CCDC32: variants seen among roughly 807,000 people sequenced by gnomAD.
CCDC32 encodes coiled-coil domain containing 32.
In CCDC32, 9 loss-of-function variants were observed where a neutral mutation model predicts 20.1. The ratio of observed to expected loss-of-function variants is 0.45; its 90% CI spans 0.27 to 0.78. The LOEUF is 0.78. CCDC32 is among the 30% of genes least tolerant of loss of function. The pLI is 0.16. For synonymous variants in CCDC32, 63 were observed against 79.0 expected (o/e 0.80, Z 1.07); for missense variants, 204 against 215.5 (o/e 0.95, Z 0.33).
At chr15:40,564,078 C>T (rs1348776993) in intron 1 of CCDC32, among the ~76,000 whole-genome samples, 1 of 152,194 alleles carries the variant, frequency 6.6e-6, no homozygotes, top group East Asian at 1.9e-4. Flanking sequence ...CCTCGGCCTC[C>T]CAAAGTGCTG....
At chr15:40,535,202 G>T, downstream of CCDC32, 1 of 1,388,788 alleles carries the variant, frequency 7.2e-7, no homozygotes, top group Non-Finnish European at 9.5e-7. Flanking sequence ...GGGGGAGAAT[G>T]CAGAGGTGGG....
chr15:40,553,465 G>A lies in CCDC32; in HGVS notation c.*506C>T. 1 of 986,036 alleles carries A rather than the reference G, an allele frequency of 1.0e-6. No individual in the cohort carries two copies. The highest frequency in any genetic ancestry group is 1.7e-5 in the African/African-American group (1 of 57,350). 61.1% of individuals were successfully genotyped at this position (986,036 alleles called of 1,614,324 possible). ...AGATTTGTTAGAGAAGCCCCAGATG[G>A]GGCTTGGATTCAAGGAGCAGACTTC... On this transcript the variant is annotated 3_prime_UTR_variant, in exon 4 of 4. Transcript: ENST00000416810.
downstream of CCDC32, among the ~76,000 whole-genome samples, chr15:40,550,669 G>A (rs868346751): frequency 2.6e-5 from 4 of 152,116 alleles, no homozygotes; most frequent in Non-Finnish European, 5.9e-5. Flanking sequence ...CATTGTTTAC[G>A]CTGTCACCTC....
chr15:40,532,679 A>G (rs1212125666), downstream of CCDC32, among the ~76,000 whole-genome samples: 1 of 142,686 alleles, frequency 7.0e-6, no homozygotes, highest in African/African-American at 2.6e-5. Flanking sequence ...TTAATGATTT[A>G]TAATTTAATT....
At chr15:40,551,947 G>A (rs916431585), downstream of CCDC32, among the ~76,000 whole-genome samples, 16 of 151,986 alleles carry the variant, frequency 1.1e-4, no homozygotes, top group Non-Finnish European at 1.9e-4. Flanking sequence ...GAGCCCAGAG[G>A]TTCGAGACTA....
At chr15:40,535,338 T>TA, downstream of CCDC32, 1 of 1,190,254 alleles carries the variant, frequency 8.4e-7, no homozygotes. Context: ...AGCCTCTCCA[T>TA]AGCATCTGTT....
intron 3 of CCDC32, among the ~76,000 whole-genome samples, chr15:40,555,027 A>G (rs1409946362): frequency 6.6e-6 from 1 of 152,210 alleles, no homozygotes; most frequent in Non-Finnish European, 1.5e-5. Context: ...AGGATCACCT[A>G]CCTGGCCCTC....
At chr15:40,539,785 C>T in intron 3 of CCDC32, among the ~76,000 whole-genome samples, 1 of 150,744 alleles carries the variant, frequency 6.6e-6, no homozygotes, top group Non-Finnish European at 1.5e-5. Flanking sequence ...TCTGGCTGGA[C>T]AACATTTGCC....
chr15:40,547,314 C>G (rs961506129), intron 3 of CCDC32, among the ~76,000 whole-genome samples: 5 of 152,112 alleles, frequency 3.3e-5, no homozygotes, highest in Non-Finnish European at 5.9e-5. Flanking sequence ...TGCTTGTGAT[C>G]TGGTGCCAGG....
intron 3 of CCDC32, among the ~76,000 whole-genome samples, chr15:40,555,598 GA>G (rs1401320122): frequency 6.6e-6 from 1 of 152,208 alleles, no homozygotes; most frequent in Non-Finnish European, 1.5e-5. Flanking sequence ...ATAATTTCCT[GA>G]ACCCTCAGAG....
At chr15:40,555,174 A>T (rs1430494857) in intron 3 of CCDC32, among the ~76,000 whole-genome samples, 2 of 152,212 alleles carry the variant, frequency 1.3e-5, no homozygotes, top group Non-Finnish European at 2.9e-5. Flanking sequence ...GGCTCTGGGG[A>T]AAAATCTAAA....
intron 3 of CCDC32, among the ~76,000 whole-genome samples, chr15:40,542,738 A>G (rs933952862): frequency 2.6e-5 from 4 of 152,068 alleles, no homozygotes; most frequent in South Asian, 4.1e-4. Context: ...GCATGGTGGC[A>G]GGCACCTGTA....
chr15:40,535,087 C>T (rs143260249), downstream of CCDC32: 2,729 of 817,492 alleles, frequency 3.3e-3, 9 homozygotes, highest in Non-Finnish European at 4.3e-3. Flanking sequence ...GCTAAGCCAG[C>T]GACTCCAGGC....
the CCDC32 span, among the ~76,000 whole-genome samples, chr15:40,523,594 AC>A: frequency 2.0e-5 from 3 of 152,198 alleles, no homozygotes; most frequent in African/African-American, 7.2e-5. Context: ...AATTACCTCA[AC>A]TACTTCAGTA....
At chr15:40,529,623 T>C (rs1327170446) in intron 3 of CCDC32, 6 of 151,488 alleles carry the variant, frequency 4.0e-5, no homozygotes, top group African/African-American at 1.5e-4. Flanking sequence ...GAGATTAGCA[T>C]GGCCCCTGCG....
intron 3 of CCDC32, among the ~76,000 whole-genome samples, chr15:40,539,840 C>CCACACACACA (rs142688774): frequency 0.071 from 9,561 of 134,486 alleles, 477 homozygotes; most frequent in East Asian, 0.16. Flanking sequence ...CAAACTGTTG[C>CCACACACACA]CACACACACA....
downstream of CCDC32, among the ~76,000 whole-genome samples, chr15:40,552,365 C>G (rs1889919401): frequency 6.6e-6 from 1 of 150,944 alleles, no homozygotes; most frequent in Admixed American, 6.6e-5. Flanking sequence ...CCTGTAATCC[C>G]AGCTACTCAG....
chr15:40,546,306 C>T (rs1221767704), intron 3 of CCDC32, among the ~76,000 whole-genome samples: 1 of 151,818 alleles, frequency 6.6e-6, no homozygotes. Flanking sequence ...ATTCTCTTGC[C>T]TCAGCCTCCC....
chr15:40,535,823 T>C (rs1166565671), downstream of CCDC32: 2 of 227,100 alleles, frequency 8.8e-6, no homozygotes, highest in Non-Finnish European at 1.5e-5. Context: ...TGAGAGCCCA[T>C]GAGGGGGCCT....
Sources: gnomAD v4.1 joint callset for allele counts (sites outside exome capture counted in the v4.1 genomes callset) on GRCh38, gnomAD v4.1.1 for gene constraint, MANE v1.5 for transcripts, NCBI Gene and HGNC (gene_info 2026-07-23, HGNC 2026-07-21) for gene names.